PDZD2: variants seen among roughly 807,000 people sequenced by gnomAD.
PDZD2 encodes PDZ domain containing 2, also known as PDZ domain-containing protein 2.
In PDZD2, 90 loss-of-function variants were observed where a neutral mutation model predicts 220.7. The observed-to-expected ratio is 0.41, with a 90% CI of 0.34 to 0.49. The LOEUF (loss-of-function observed/expected upper bound fraction) is 0.49, where lower values mean the gene tolerates loss of function less well. Ranked by LOEUF, PDZD2 falls within the 20% of genes least tolerant of loss-of-function variation. The pLI, the probability that PDZD2 is intolerant of heterozygous loss-of-function variation, is 0.28. For synonymous variants in PDZD2, 1,375 were observed against 1,450.5 expected (o/e 0.95, Z 1.18); for missense variants, 3,174 against 3,608.5 (o/e 0.88, Z 3.08).
chr5:31,808,209 T>C (rs949337680), intron 2 of PDZD2, among the ~76,000 whole-genome samples: 16 of 152,096 alleles, frequency 1.1e-4, no homozygotes, highest in African/African-American at 3.4e-4. Flanking sequence ...GGACTGGATA[T>C]ATAGTAAGAG....
intron 1 of PDZD2, among the ~76,000 whole-genome samples, chr5:31,727,858 GC>G (rs1749265500): frequency 6.7e-6 from 1 of 150,294 alleles, no homozygotes; most frequent in African/African-American, 2.5e-5. Context: ...AAAAAATTTT[GC>G]CGGGTGTGGT....
chr5:31,662,713 T>C (rs1745816980), intron 1 of PDZD2, among the ~76,000 whole-genome samples: 1 of 152,204 alleles, frequency 6.6e-6, no homozygotes, highest in African/African-American at 2.4e-5. Flanking sequence ...CACTGCATGC[T>C]CCGCCTCCCA....
chr5:31,932,752 G>A (rs1019600223), intron 2 of PDZD2, among the ~76,000 whole-genome samples: 5 of 152,084 alleles, frequency 3.3e-5, no homozygotes, highest in African/African-American at 9.7e-5. Context: ...GATCCATTAA[G>A]CAGTAACTTC....
chr5:31,671,226 G>A (rs958323989), intron 1 of PDZD2, among the ~76,000 whole-genome samples: 1 of 152,208 alleles, frequency 6.6e-6, no homozygotes, highest in Non-Finnish European at 1.5e-5. Flanking sequence ...AAGGAATGGA[G>A]TACAACCAAA....
intron 9 of PDZD2, among the ~76,000 whole-genome samples, chr5:32,053,194 A>AT (rs1303177437): frequency 6.6e-6 from 1 of 152,220 alleles, no homozygotes; most frequent in African/African-American, 2.4e-5. Flanking sequence ...CAAGGGTGCA[A>AT]TGAATGACCC....
intron 2 of PDZD2, among the ~76,000 whole-genome samples, chr5:31,946,769 G>A (rs1028161877): frequency 6.6e-6 from 1 of 152,178 alleles, no homozygotes; most frequent in Non-Finnish European, 1.5e-5. Context: ...ATAGCTCACT[G>A]TAACCTTGAA....
chr5:32,065,607 T>A (rs1202087881), intron 14 of PDZD2, among the ~76,000 whole-genome samples: 1 of 152,358 alleles, frequency 6.6e-6, no homozygotes, highest in African/African-American at 2.4e-5. Flanking sequence ...GGATGTGATG[T>A]CAACAACAGT....
chr5:32,022,601 G>C (rs1412703939), intron 6 of PDZD2, among the ~76,000 whole-genome samples: 8 of 152,002 alleles, frequency 5.3e-5, no homozygotes. Context: ...ATTCCTTCTG[G>C]GGATCAGTAG....
intron 1 of PDZD2, among the ~76,000 whole-genome samples, chr5:31,688,728 C>T (rs138530691): frequency 7.3e-4 from 111 of 152,292 alleles, no homozygotes; most frequent in African/African-American, 2.6e-3. Flanking sequence ...CCTGCGTCCC[C>T]TCCCTTCCTT....
At chr5:31,947,435 G>A (rs983241779) in intron 2 of PDZD2, among the ~76,000 whole-genome samples, 4 of 152,072 alleles carry the variant, frequency 2.6e-5, no homozygotes, top group African/African-American at 7.2e-5. Flanking sequence ...CAGGTGCCCC[G>A]CCTCTTCAGT....
intron 1 of PDZD2, among the ~76,000 whole-genome samples, chr5:31,779,251 C>T (rs983864206): frequency 6.6e-6 from 1 of 152,154 alleles, no homozygotes; most frequent in African/African-American, 2.4e-5. Flanking sequence ...TGCATGTTTA[C>T]CTTCAGGATT....
At chr5:31,850,062 A>AAGTATATATATGTGTATATATG (rs1757920224) in intron 2 of PDZD2, among the ~76,000 whole-genome samples, 2 of 138,626 alleles carry the variant, frequency 1.4e-5, no homozygotes, top group Non-Finnish European at 3.1e-5. Context: ...GTGTATATAT[A>AAGTATATATATGTGTATATATG]AGTATATATA....
chr5:31,975,821 T>TTA (rs1392254387), intron 2 of PDZD2, among the ~76,000 whole-genome samples: 2 of 129,204 alleles, frequency 1.5e-5, no homozygotes, highest in African/African-American at 3.0e-5. Context: ...TTTTTTTTTT[T>TTA]GAGACAAGGT....
chr5:31,854,821 G>A, intron 2 of PDZD2: 1 of 221,070 alleles, frequency 4.5e-6, no homozygotes, highest in African/African-American at 2.3e-5. Flanking sequence ...GGAATGCCGT[G>A]GGGTTTTGAC....
At chr5:31,731,146 T>C (rs1426946135) in intron 1 of PDZD2, among the ~76,000 whole-genome samples, 1 of 152,168 alleles carries the variant, frequency 6.6e-6, no homozygotes, top group Non-Finnish European at 1.5e-5. Context: ...AAAGAGCCTT[T>C]TCAGGGTGTC....
At chr5:32,093,779 A>G (rs1581482040) in intron 21 of PDZD2, among the ~76,000 whole-genome samples, 1 of 152,152 alleles carries the variant, frequency 6.6e-6, no homozygotes, top group African/African-American at 2.4e-5. Flanking sequence ...GGAGTTCAAG[A>G]CCAGCCTGGC....
intron 2 of PDZD2, among the ~76,000 whole-genome samples, chr5:31,886,527 C>G (rs919001380): frequency 3.3e-5 from 5 of 151,928 alleles, no homozygotes; most frequent in African/African-American, 1.2e-4. Context: ...TGTGGGTTGT[C>G]AGGAGACCAG....
intron 2 of PDZD2, among the ~76,000 whole-genome samples, chr5:31,852,348 C>T (rs1009552983): frequency 7.7e-5 from 11 of 143,130 alleles, no homozygotes; most frequent in African/African-American, 2.6e-4. Context: ...TGGCGCAGTC[C>T]GGGCTCACTG....
At chr5:31,689,320 C>CAT (rs1464566426) in intron 1 of PDZD2, among the ~76,000 whole-genome samples, 24 of 83,124 alleles carry the variant, frequency 2.9e-4, no homozygotes, top group African/African-American at 1.5e-3. Flanking sequence ...TACATATACA[C>CAT]ATATATATAC....
Sources: allele counts gnomAD v4.1 joint callset (sites outside exome capture counted in the v4.1 genomes callset), GRCh38; gene constraint gnomAD v4.1.1; transcripts MANE v1.5; gene names NCBI Gene and HGNC (gene_info 2026-07-23, HGNC 2026-07-21).